SORCS1: variants seen among roughly 807,000 people sequenced by gnomAD.
SORCS1 encodes the protein sortilin related VPS10 domain containing receptor 1.
SORCS1 carries 60 observed loss-of-function variants against 146.1 expected under a neutral mutation model. That is an observed-to-expected ratio of 0.41 (90% CI 0.33 to 0.51). The LOEUF is 0.51. SORCS1 is among the 20% of genes least tolerant of loss of function. The pLI is 0.21. For missense variants in SORCS1, 1,352 were observed against 1,487.6 expected (o/e 0.91, Z 1.50); for synonymous variants, 637 against 584.0 (o/e 1.09, Z -1.31).
At chr10:106,795,112 T>G (rs1322340579) in intron 3 of SORCS1, among the ~76,000 whole-genome samples, 1 of 152,226 alleles carries the variant, frequency 6.6e-6, no homozygotes, top group African/African-American at 2.4e-5. Context: ...TAAGTGAAAT[T>G]AAAAGTTCTA....
intron 1 of SORCS1, among the ~76,000 whole-genome samples, chr10:107,021,513 CAAAAAAAAAAAAAA>C (rs869141427): frequency 2.2e-4 from 15 of 68,594 alleles, no homozygotes; most frequent in African/African-American, 4.0e-4. Context: ...CACTCCGTCT[CAAAAAAAAAAAAAA>C]AAAAAAAAAA....
intron 1 of SORCS1, among the ~76,000 whole-genome samples, chr10:107,134,040 G>T (rs1395395313): frequency 1.3e-5 from 2 of 152,124 alleles, no homozygotes; most frequent in African/African-American, 4.8e-5. Context: ...TGCTACTGTT[G>T]CTATTATTAC....
chr10:106,678,769 ACT>A (rs1169775100), intron 12 of SORCS1, among the ~76,000 whole-genome samples: 1 of 152,158 alleles, frequency 6.6e-6, no homozygotes. Flanking sequence ...GATGGTTATT[ACT>A]CTGTCTTTTG....
the SORCS1 span, among the ~76,000 whole-genome samples, chr10:107,173,083 T>C: frequency 6.6e-6 from 1 of 152,198 alleles, no homozygotes; most frequent in African/African-American, 2.4e-5. Flanking sequence ...AGCAGGATCC[T>C]GTACCTTCTC....
At chr10:106,642,134 G>A (rs1297982831) in intron 18 of SORCS1, among the ~76,000 whole-genome samples, 1 of 152,198 alleles carries the variant, frequency 6.6e-6, no homozygotes, top group Non-Finnish European at 1.5e-5. Context: ...TTGTATGCAA[G>A]TAACTGGGAC....
chr10:106,603,180 C>G (rs1024248500), intron 23 of SORCS1, among the ~76,000 whole-genome samples: 1 of 152,006 alleles, frequency 6.6e-6, no homozygotes, highest in Non-Finnish European at 1.5e-5. Context: ...GAGACAGAAA[C>G]AAATTTATTC....
At chr10:107,169,478 A>G (rs988880815), upstream of SORCS1, among the ~76,000 whole-genome samples, 3 of 152,196 alleles carry the variant, frequency 2.0e-5, no homozygotes, top group Non-Finnish European at 4.4e-5. Flanking sequence ...TGTTAGTAGG[A>G]GCACATAAGC....
chr10:106,829,515 G>T, intron 3 of SORCS1, 59 bp downstream of exon 3: 5 of 1,330,890 alleles, frequency 3.8e-6, no homozygotes, highest in Non-Finnish European at 5.3e-6. Flanking sequence ...AGAGTGGTTA[G>T]CCAACCAAGA....
At chr10:106,806,854 T>A (rs1947214586) in intron 3 of SORCS1, among the ~76,000 whole-genome samples, 1 of 152,090 alleles carries the variant, frequency 6.6e-6, no homozygotes, top group South Asian at 2.1e-4. Flanking sequence ...CCACCTTCCC[T>A]ATTATTCATG....
intron 24 of SORCS1, among the ~76,000 whole-genome samples, chr10:106,590,109 G>A (rs1468557433): frequency 1.3e-5 from 2 of 152,016 alleles, no homozygotes; most frequent in Admixed American, 6.6e-5. Context: ...CCCAATCCAT[G>A]TCAGACAACA....
rs565347321 is a variant in SORCS1 at position 106,812,230 on chromosome 10, G to A, written c.726+17344C>T. On this transcript the variant is annotated intron_variant, in intron 3 of 25. Coordinates refer to ENST00000263054, the MANE Select transcript of SORCS1 (RefSeq NM_052918.5). The stretch of plus-strand genomic sequence containing the variant: ...TTAGCCAGGATGGTCTCGATCTCCT[G>A]ACCTCATGATCCGCCCGCCTCGGCC... Among the ~76,000 whole-genome samples the A allele has an allele frequency of 5.9e-5, 9 of 152,266 alleles. No homozygotes were observed. In the East Asian group the frequency reaches 1.2e-3, roughly 20 times the overall value.
At chr10:106,579,649 C>T (rs1844786176) in intron 24 of SORCS1, among the ~76,000 whole-genome samples, 175 bp from the exon 25 acceptor site, 1 of 151,182 alleles carries the variant, frequency 6.6e-6, no homozygotes, top group African/African-American at 2.4e-5. Flanking sequence ...CCCACCCCTA[C>T]TCCCACCCCA....
chr10:106,823,859 ACT>A (rs924559192), intron 3 of SORCS1, among the ~76,000 whole-genome samples: 3 of 152,118 alleles, frequency 2.0e-5, no homozygotes, highest in African/African-American at 7.2e-5. Context: ...AAGTCACTAA[ACT>A]CTCTGGGACT....
In SORCS1 at chr10:107,044,932, C is replaced by T. The variant is rs562681225; in HGVS notation, c.559-88352G>A. Among the ~76,000 whole-genome samples the T allele has an allele frequency of 1.2e-4, 18 of 151,686 alleles. 1 individual carries two copies. In the South Asian group the frequency reaches 3.5e-3, roughly 30 times the overall value. ...TATATTGAAGGGTTAACACATGCTG[C>T]AGGAGATGGATGGCATTTGACATAA... On this transcript the variant is annotated intron_variant, in intron 1 of 25. Coordinates refer to ENST00000263054, the MANE Select transcript of SORCS1 (RefSeq NM_052918.5).
intron 1 of SORCS1, among the ~76,000 whole-genome samples, chr10:106,968,711 A>G (rs998884697): frequency 6.6e-6 from 1 of 152,232 alleles, no homozygotes. Context: ...AAACCTCAAT[A>G]AGAAACTGGA....
chr10:106,843,214 TG>T (rs1285923941), intron 2 of SORCS1, among the ~76,000 whole-genome samples: 1 of 152,102 alleles, frequency 6.6e-6, no homozygotes, highest in Non-Finnish European at 1.5e-5. Flanking sequence ...CATCCAATAG[TG>T]AAAAGTTTTT....
chr10:106,610,251 G>A (rs1350447839), intron 22 of SORCS1, among the ~76,000 whole-genome samples: 1 of 151,852 alleles, frequency 6.6e-6, no homozygotes, highest in African/African-American at 2.4e-5. Flanking sequence ...GCCCTAGAGT[G>A]GAGTGGTTAG....
chr10:106,743,077 G>A (rs565860408), intron 5 of SORCS1, among the ~76,000 whole-genome samples: 2 of 152,162 alleles, frequency 1.3e-5, no homozygotes, highest in Non-Finnish European at 2.9e-5. Flanking sequence ...TTTGGGGTCT[G>A]TTTTTAAATC....
At chr10:107,099,568 T>C (rs917172286) in intron 1 of SORCS1, among the ~76,000 whole-genome samples, 7 of 152,338 alleles carry the variant, frequency 4.6e-5, no homozygotes, top group African/African-American at 1.7e-4. Flanking sequence ...TAATAGTCTA[T>C]TAATAGTCTC....
Sources: gnomAD v4.1 joint callset for allele counts (sites outside exome capture counted in the v4.1 genomes callset) on GRCh38, gnomAD v4.1.1 for gene constraint, MANE v1.5 for transcripts, NCBI Gene and HGNC (gene_info 2026-07-23, HGNC 2026-07-21) for gene names.